The following DOCK8 variants were observed in gnomAD, a reference collection of about 807,000 sequenced individuals.
The protein encoded by DOCK8 is dedicator of cytokinesis protein 8.
A neutral mutation model predicts 245.6 loss-of-function variants in DOCK8; 141 were observed. That is an observed-to-expected ratio of 0.57 (90% CI 0.50 to 0.66). The LOEUF (loss-of-function observed/expected upper bound fraction) is 0.66, where lower values mean the gene tolerates loss of function less well. DOCK8 is among the 30% of genes least tolerant of loss of function. The pLI is 0.00. For synonymous variants in DOCK8, 1,168 were observed against 970.2 expected (o/e 1.20, Z -3.79); for missense variants, 2,965 against 2,603.4 (o/e 1.14, Z -3.02).
chr9:461,527 A>ATTTTTTTTTTTT (rs530827485), intron 46 of DOCK8, among the ~76,000 whole-genome samples: 6 of 67,286 alleles, frequency 8.9e-5, no homozygotes, highest in African/African-American at 4.1e-4. Flanking sequence ...TAGCAACTGC[A>ATTTTTTTTTTTT]TTTTTTTTTT....
chr9:464,235 T>G lies in DOCK8; in HGVS notation c.*16T>G. On this transcript the variant is annotated 3_prime_UTR_variant, in exon 48 of 48. Transcript: ENST00000432829. ...GGGCAGCTAAGAAAAGCCATCTTCA[T>G]TCGTGGAGACTGTGGCCCTGCAACC... 1 of 1,610,688 alleles carries G rather than the reference T, an allele frequency of 6.2e-7. No individual in the cohort carries two copies. Among genetic ancestry groups the G allele is most frequent in the Non-Finnish European group, 8.5e-7 (1 of 1,176,850 alleles).
intron 5 of DOCK8, among the ~76,000 whole-genome samples, chr9:307,249 G>A (rs767041906): frequency 2.7e-5 from 4 of 150,884 alleles, no homozygotes; most frequent in African/African-American, 7.3e-5. Flanking sequence ...AGAAACAATA[G>A]GTGAAGACCA....
At position 414,880 on chromosome 9, in the gene DOCK8, A is replaced by T. The variant is rs1313295056; in HGVS notation, c.3629A>T (p.Lys1210Ile). ...TGTGTCAAACCAGAGGTGAAGGTCAAAATCGCCGCCCTTTACCTACCTTTA... is the reference window on the plus strand; with the variant it reads ...TGTGTCAAACCAGAGGTGAAGGTCATAATCGCCGCCCTTTACCTACCTTTA... ...PRCVKPEVKVKIAALYLPLVG... is the reference protein window; with the variant it reads ...PRCVKPEVKVIIAALYLPLVG... Residue 1210 changes from lysine to isoleucine, a missense_variant, in exon 29 of 48, where the codon AAA becomes ATA. This residue lies in a region of DOCK8 where 2,825 missense variants were observed against 2,453.5 expected (regional missense o/e 1.15). Coordinates refer to ENST00000432829, the MANE Select transcript of DOCK8 (RefSeq NM_203447.4). 1.2e-6 allele frequency: 2 copies of T among 1,614,116 alleles called. No homozygotes were observed. The highest frequency in any genetic ancestry group is 1.7e-6 in the Non-Finnish European group (2 of 1,180,048).
At chr9:355,875 C>G (rs1419880326) in intron 14 of DOCK8, among the ~76,000 whole-genome samples, 2 of 152,172 alleles carry the variant, frequency 1.3e-5, no homozygotes. Flanking sequence ...GTGAAATGGT[C>G]ACTGTAGCTA....
At chr9:322,772 C>T (rs1032444875) in intron 7 of DOCK8, among the ~76,000 whole-genome samples, 8 of 152,128 alleles carry the variant, frequency 5.3e-5, no homozygotes, top group African/African-American at 1.4e-4. Context: ...GCATGCCAGG[C>T]AGCAGCTGGT....
intron 43 of DOCK8, 118 bp downstream of exon 43, chr9:443,634 C>G (rs1435683768): frequency 3.8e-6 from 3 of 793,938 alleles, no homozygotes; most frequent in African/African-American, 3.5e-5. Context: ...GCAGTCAAAC[C>G]TTTTCGTCTA....
intron 1 of DOCK8, chr9:215,498 C>G: frequency 7.0e-7 from 1 of 1,437,874 alleles, no homozygotes; most frequent in Non-Finnish European, 9.1e-7. Context: ...TTCTGTCGTC[C>G]TGAGCAAGGC....
chr9:240,870 AT>A (rs1156389891), intron 1 of DOCK8, among the ~76,000 whole-genome samples: 13 of 152,174 alleles, frequency 8.5e-5, no homozygotes, highest in South Asian at 4.1e-4. Context: ...AAATAAAAAA[AT>A]ATTCTATTCC....
intron 29 of DOCK8, among the ~76,000 whole-genome samples, chr9:417,635 A>G (rs1312743963): frequency 6.6e-6 from 1 of 152,258 alleles, no homozygotes; most frequent in Non-Finnish European, 1.5e-5. Context: ...ATAAATTGAC[A>G]TTCATTTTAA....
chr9:382,764 G>A, intron 22 of DOCK8, 79 bp downstream of exon 22: 1 of 1,546,426 alleles, frequency 6.5e-7, no homozygotes, highest in Non-Finnish European at 8.8e-7. Context: ...TAACACAGAA[G>A]CAACCACTAC....
At chr9:391,313 G>C (rs7849287) in intron 24 of DOCK8, among the ~76,000 whole-genome samples, 21,104 of 151,954 alleles carry the variant, frequency 0.14, 3,494 homozygotes, top group African/African-American at 0.4. Context: ...TTTCCTAGTG[G>C]TTATCACAAT....
intron 39 of DOCK8, among the ~76,000 whole-genome samples, chr9:435,301 T>A (rs1288286844): frequency 6.0e-5 from 9 of 151,044 alleles, no homozygotes. Context: ...CTGTTTACAA[T>A]AATGGCACCT....
chr9:238,492 G>T (rs1300600813), intron 1 of DOCK8, among the ~76,000 whole-genome samples: 1 of 152,188 alleles, frequency 6.6e-6, no homozygotes, highest in Non-Finnish European at 1.5e-5. Context: ...ATAGGAGATG[G>T]AGAAATGTTA....
chr9:370,047 C>T (rs1213069289), intron 15 of DOCK8, 183 bp from the exon 16 acceptor site: 2 of 639,264 alleles, frequency 3.1e-6, no homozygotes, highest in Non-Finnish European at 5.7e-6. Flanking sequence ...AAGCCATTCT[C>T]CCACGCCGAC....
At chr9:322,982 G>A (rs1586696171) in intron 7 of DOCK8, among the ~76,000 whole-genome samples, 1 of 151,616 alleles carries the variant, frequency 6.6e-6, no homozygotes, top group African/African-American at 2.4e-5. Context: ...AGTCACAGCT[G>A]CTAGGGAGGC....
intron 7 of DOCK8, among the ~76,000 whole-genome samples, chr9:324,084 C>A (rs1208610712): frequency 6.6e-6 from 1 of 152,204 alleles, no homozygotes; most frequent in East Asian, 1.9e-4. Flanking sequence ...AAATGGAATT[C>A]AGAAAGGCGA....
chr9:289,925 A>T (rs1415331186), intron 4 of DOCK8, among the ~76,000 whole-genome samples: 1 of 152,204 alleles, frequency 6.6e-6, no homozygotes, highest in African/African-American at 2.4e-5. Context: ...TTACAGTATC[A>T]TACAGAATTG....
At chr9:455,487 G>A (rs1393222297) in intron 46 of DOCK8, among the ~76,000 whole-genome samples, 1 of 152,156 alleles carries the variant, frequency 6.6e-6, no homozygotes, top group Non-Finnish European at 1.5e-5. Context: ...TCCAGCCTGG[G>A]TGACAGAGAA....
intron 1 of DOCK8, among the ~76,000 whole-genome samples, chr9:259,692 C>T (rs1271314060): frequency 1.3e-5 from 2 of 152,186 alleles, no homozygotes; most frequent in Admixed American, 6.5e-5. Flanking sequence ...AAAAATGAGT[C>T]GACCTTCTGC....
Sources: gnomAD v4.1 joint callset for allele counts (sites outside exome capture counted in the v4.1 genomes callset) on GRCh38, gnomAD v4.1.1 for gene constraint, gnomAD v4.1.1 regional missense constraint, MANE v1.5 for transcripts, NCBI Gene and HGNC (gene_info 2026-07-23, HGNC 2026-07-21) for gene names.